ETV1: variants seen among roughly 807,000 people sequenced by gnomAD.
ETV1 encodes the protein ETS translocation variant 1.
ETV1 carries 27 observed loss-of-function variants against 62.3 expected under a neutral mutation model. The ratio of observed to expected loss-of-function variants is 0.43; its 90% CI spans 0.32 to 0.60. The LOEUF is 0.60. ETV1 is among the 20% of genes least tolerant of loss of function. The pLI, the probability that ETV1 is intolerant of heterozygous loss-of-function variation, is 0.06. For synonymous variants in ETV1, 222 were observed against 199.6 expected, an observed-to-expected ratio of 1.11 and a Z score of -0.94; for missense variants, 605 against 605.8, an observed-to-expected ratio of 1.00 and a Z score of 0.01.
intron 9 of ETV1, among the ~76,000 whole-genome samples, chr7:13,918,130 C>T (rs1393396415): frequency 2.0e-5 from 3 of 152,122 alleles, no homozygotes; most frequent in Non-Finnish European, 4.4e-5. Flanking sequence ...CCATGAACAG[C>T]TTTGTCCTCT....
intron 6 of ETV1, among the ~76,000 whole-genome samples, chr7:13,975,334 C>G (rs981669422): frequency 2.6e-5 from 4 of 151,934 alleles, no homozygotes; most frequent in African/African-American, 7.3e-5. Context: ...ATCACGAGGT[C>G]AGGAGATCGA....
intron 6 of ETV1, among the ~76,000 whole-genome samples, chr7:13,950,369 T>TGA (rs148130237): frequency 1.0e-4 from 15 of 150,396 alleles, no homozygotes; most frequent in East Asian, 3.9e-4. Flanking sequence ...TGTGTGTGTA[T>TGA]GAGAGAGAGA....
At chr7:13,934,728 A>G (rs1786592582) in intron 8 of ETV1, among the ~76,000 whole-genome samples, 2 of 152,242 alleles carry the variant, frequency 1.3e-5, no homozygotes, top group African/African-American at 4.8e-5. Flanking sequence ...TGTCTCTGGT[A>G]TCCGTATGCT....
intron 5 of ETV1, among the ~76,000 whole-genome samples, chr7:13,981,089 G>A (rs1349418224): frequency 6.6e-6 from 1 of 151,898 alleles, no homozygotes; most frequent in East Asian, 1.9e-4. Flanking sequence ...TGTGCCTGTT[G>A]GGTTTTTTTT....
At chr7:13,988,678 A>C (rs1400326947) in intron 3 of ETV1, 1 of 1,611,000 alleles carries the variant, frequency 6.2e-7, no homozygotes, top group African/African-American at 1.3e-5. Context: ...ATTTGTCTCA[A>C]CTTCATTCTT....
At chr7:13,912,761 C>G (rs867183238) in intron 9 of ETV1, among the ~76,000 whole-genome samples, 7 of 152,086 alleles carry the variant, frequency 4.6e-5, no homozygotes, top group Non-Finnish European at 2.9e-5. Context: ...TTTATACAGT[C>G]CAGAGAAGCC....
At chr7:13,932,323 T>C (rs1470868066) in intron 8 of ETV1, among the ~76,000 whole-genome samples, 1 of 152,172 alleles carries the variant, frequency 6.6e-6, no homozygotes, top group Non-Finnish European at 1.5e-5. Context: ...CATTGCGTTC[T>C]AGTAAGAAAC....
chr7:13,905,773 T>C (rs1000239156), intron 12 of ETV1, among the ~76,000 whole-genome samples: 1 of 152,160 alleles, frequency 6.6e-6, no homozygotes, highest in African/African-American at 2.4e-5. Context: ...CATTTTAAAC[T>C]TCATCCCAAC....
chr7:13,923,066 C>G (rs550033437), intron 9 of ETV1, among the ~76,000 whole-genome samples: 1 of 151,992 alleles, frequency 6.6e-6, no homozygotes, highest in East Asian at 1.9e-4. Flanking sequence ...ATATTTTAGC[C>G]CTCTGAATGT....
chr7:13,980,910 A>G (rs1324687203), intron 5 of ETV1, among the ~76,000 whole-genome samples: 1 of 152,100 alleles, frequency 6.6e-6, no homozygotes, highest in Admixed American at 6.6e-5. Flanking sequence ...ACTTTTCTTA[A>G]CTAATATTGC....
rs112649568 is a variant in ETV1, at chr7:13,958,306, C to T, written c.236-19060G>A. ...CCCATTTGTTGTTGTTCAGATAAACCTTGAATACATCTGACTTTTGCTAGC... is the reference window on the plus strand; with the variant it reads ...CCCATTTGTTGTTGTTCAGATAAACTTTGAATACATCTGACTTTTGCTAGC... On this transcript the variant is annotated intron_variant, in intron 6 of 13. Transcript: ENST00000430479. 3.8e-3 allele frequency among the ~76,000 whole-genome samples: 574 copies of T among 152,206 alleles called. 8 individuals are homozygous for T. Among genetic ancestry groups the T allele is most frequent in the South Asian group, 0.032 (155 of 4,820 alleles).
intron 8 of ETV1, among the ~76,000 whole-genome samples, chr7:13,935,288 G>A (rs946389376): frequency 1.3e-5 from 2 of 152,158 alleles, no homozygotes; most frequent in Admixed American, 6.6e-5. Context: ...ACTATGTACA[G>A]CTGAACCATT....
At chr7:13,934,868 G>A (rs967594522) in intron 8 of ETV1, among the ~76,000 whole-genome samples, 21 of 152,112 alleles carry the variant, frequency 1.4e-4, no homozygotes, top group African/African-American at 4.8e-4. Flanking sequence ...ACTGATGAGG[G>A]CGTTTTGTTT....
intron 6 of ETV1, among the ~76,000 whole-genome samples, chr7:13,943,222 A>T (rs926823242): frequency 3.3e-5 from 5 of 152,224 alleles, no homozygotes; most frequent in African/African-American, 1.2e-4. Flanking sequence ...ACAAATCGGA[A>T]CGACAACAAA....
At chr7:13,948,774 G>A (rs556369297) in intron 6 of ETV1, among the ~76,000 whole-genome samples, 1 of 152,242 alleles carries the variant, frequency 6.6e-6, no homozygotes, top group East Asian at 1.9e-4. Flanking sequence ...AAAAAAAGGA[G>A]AAGGAAAACA....
chr7:13,894,354 C>A lies in ETV1; in HGVS notation c.*1512G>T, dbSNP rs760259108. ...CTGCTTTCAATATTTTCTCCAAATG[C>A]AAAGCAAAAACAGAACAAAAAACTT... On this transcript the variant is annotated 3_prime_UTR_variant, in exon 14 of 14. Transcript: ENST00000430479. 2 of 231,448 alleles carry A rather than the reference C, an allele frequency of 8.6e-6. No homozygotes were observed. The highest frequency in any genetic ancestry group is 4.4e-5 in the African/African-American group (2 of 45,192). 14.3% of individuals were successfully genotyped at this position (231,448 alleles called of 1,614,324 possible).
At chr7:13,934,898 G>A (rs912842699) in intron 8 of ETV1, among the ~76,000 whole-genome samples, 3 of 152,068 alleles carry the variant, frequency 2.0e-5, no homozygotes, top group African/African-American at 4.8e-5. Flanking sequence ...GCAGGCTGTT[G>A]CTAAACATTT....
intron 6 of ETV1, among the ~76,000 whole-genome samples, chr7:13,960,128 C>G (rs1304960940): frequency 6.6e-6 from 1 of 151,990 alleles, no homozygotes; most frequent in African/African-American, 2.4e-5. Context: ...AGACGGTGTT[C>G]ACCTCTTAGA....
At chr7:13,906,625 T>C (rs1782991388) in intron 11 of ETV1, 26 bp from the exon 12 acceptor site, 4 of 1,535,590 alleles carry the variant, frequency 2.6e-6, no homozygotes, top group Non-Finnish European at 3.5e-6. Flanking sequence ...TTTAAGTTTC[T>C]ATTATTAGCA....
Sources: gnomAD v4.1 joint callset for allele counts (sites outside exome capture counted in the v4.1 genomes callset) on GRCh38, gnomAD v4.1.1 for gene constraint, MANE v1.5 for transcripts, NCBI Gene and HGNC (gene_info 2026-07-23, HGNC 2026-07-21) for gene names.